Variants in RBM44 observed in about 807,000 individuals in gnomAD.
The protein encoded by RBM44 is RNA binding motif protein 44.
RBM44 carries 66 observed loss-of-function variants against 105.1 expected under a neutral mutation model. That is an observed-to-expected ratio of 0.63 (90% CI 0.52 to 0.77). The LOEUF (loss-of-function observed/expected upper bound fraction) is 0.77, where lower values mean the gene tolerates loss of function less well. RBM44 is among the 30% of genes least tolerant of loss of function. The probability of loss-of-function intolerance (pLI) is 0.00; values close to 1 mark genes in which losing one functional copy is unlikely to be tolerated. For synonymous variants in RBM44, 365 were observed against 417.6 expected (o/e 0.87, Z 1.54); for missense variants, 1,122 against 1,207.8 (o/e 0.93, Z 1.05).
chr2:237,821,610 G>T, intron 7 of RBM44, 133 bp from the exon 8 acceptor site: 1 of 727,366 alleles, frequency 1.4e-6, no homozygotes. Flanking sequence ...TTGTGTATTT[G>T]TCATTTCTAT....
At chr2:237,829,165 A>T in intron 12 of RBM44, 52 bp from the exon 13 acceptor site, 1 of 1,389,790 alleles carries the variant, frequency 7.2e-7, no homozygotes, top group Non-Finnish European at 9.8e-7. Context: ...ATTAAGTTTG[A>T]TGTAATTTGA....
At chr2:237,835,068 T>C (rs1057009520) in intron 15 of RBM44, among the ~76,000 whole-genome samples, 2 of 152,224 alleles carry the variant, frequency 1.3e-5, no homozygotes, top group African/African-American at 4.8e-5. Flanking sequence ...TGGTAATTCA[T>C]ACAACATTTC....
chr2:237,799,522 G>A (rs1051772659), intron 1 of RBM44: 2 of 152,136 alleles, frequency 1.3e-5, no homozygotes, highest in African/African-American at 2.4e-5. Context: ...TCTCGATCTC[G>A]GTCTCTATCT....
At chr2:237,835,112 A>T (rs1576518144) in intron 15 of RBM44, among the ~76,000 whole-genome samples, 1 of 152,254 alleles carries the variant, frequency 6.6e-6, no homozygotes, top group Middle Eastern at 3.4e-3. Context: ...GGTGATTGTG[A>T]TCAGTGATCT....
chr2:237,809,908 G>T (rs1002289735), intron 1 of RBM44, among the ~76,000 whole-genome samples: 3 of 152,020 alleles, frequency 2.0e-5, no homozygotes, highest in Non-Finnish European at 4.4e-5. Flanking sequence ...CTCCAGCCTG[G>T]GTAGAAGAGC....
rs895353323 is a variant in RBM44 at position 237,817,179 on chromosome 2, C to T, written c.260C>T (p.Thr87Ile). The change falls in exon 3 of 16, where the codon ACT (threonine) becomes ATT (isoleucine). Residue 87 changes from threonine to isoleucine, a missense_variant. Coordinates refer to ENST00000316997, the MANE Select transcript of RBM44 (RefSeq NM_001080504.3). ...LEPFFSVSQD[T>I]NTESTQFQSS... ...CCATTTTTTTCAGTGAGTCAAGATACTAACACAGAGAGTACTCAGTTTCAG... is the reference window on the plus strand; with the variant it reads ...CCATTTTTTTCAGTGAGTCAAGATATTAACACAGAGAGTACTCAGTTTCAG... 24 of 1,604,118 alleles carry T rather than the reference C, an allele frequency of 1.5e-5. No homozygotes were observed. Among genetic ancestry groups the T allele is most frequent in the Non-Finnish European group, 2.0e-5 (24 of 1,175,930 alleles).
At chr2:237,822,344 A>G (rs1335407312) in intron 8 of RBM44, among the ~76,000 whole-genome samples, 1 of 152,056 alleles carries the variant, frequency 6.6e-6, no homozygotes, top group Non-Finnish European at 1.5e-5. Flanking sequence ...TGTTTGTCAG[A>G]TGACAACCAA....
At chr2:237,827,095 A>G (rs529743661) in intron 10 of RBM44, among the ~76,000 whole-genome samples, 155 bp from the exon 11 acceptor site, 6 of 152,306 alleles carry the variant, frequency 3.9e-5, no homozygotes, top group Admixed American at 3.3e-4. Flanking sequence ...GCAGGCTCTT[A>G]GTCCTCAGTC....
rs549320092 is a variant in RBM44, at chr2:237,817,383, T to G, written c.464T>G (p.Val155Gly). Residue 155 changes from valine (V) to glycine (G), a missense_variant, in exon 3 of 16, where the codon GTT (valine) becomes GGT (glycine). Around this residue, in one of 3 missense-constraint regions of RBM44, gnomAD observed 918 missense variants for 955.3 expected, o/e 0.96. Coordinates refer to ENST00000316997, the MANE Select transcript of RBM44 (RefSeq NM_001080504.3). ...ATTTTGGAACATCAAGATAAGACTG[T>G]TGGCTTGGAAAGAATCTACAATATT... ...FNILEHQDKT[V>G]GLERIYNISD... is the part of the protein sequence containing the mutation. 1 of 1,604,030 alleles carries G rather than the reference T, an allele frequency of 6.2e-7. No individual in the cohort carries two copies. Among genetic ancestry groups the G allele is most frequent in the South Asian group, 1.1e-5 (1 of 89,672 alleles).
intron 1 of RBM44, among the ~76,000 whole-genome samples, chr2:237,802,561 C>G (rs797007073): frequency 1.3e-5 from 2 of 152,248 alleles, no homozygotes; most frequent in African/African-American, 4.8e-5. Context: ...GCTGTTGAAT[C>G]TATATTTTTA....
At chr2:237,837,704 C>A (rs568218619) in intron 15 of RBM44, among the ~76,000 whole-genome samples, 1 of 151,634 alleles carries the variant, frequency 6.6e-6, no homozygotes, top group Non-Finnish European at 1.5e-5. Context: ...GAGATGGGAT[C>A]TTGTTATTTT....
At chr2:237,823,667 G>A (rs1340521948) in intron 9 of RBM44, 113 bp downstream of exon 9, 7 of 576,642 alleles carry the variant, frequency 1.2e-5, no homozygotes, top group African/African-American at 1.9e-5. Flanking sequence ...TGATGGAAAG[G>A]CATCATTCTG....
Position 237,823,415 on chromosome 2 carries a change from TTGTTTTTATTATCTTAATCCTCAGA to T in RBM44, c.2206-21_2209del, listed in dbSNP as rs2061814793. On this transcript the variant is annotated splice_acceptor_variant and splice_polypyrimidine_tract_variant and coding_sequence_variant and intron_variant, in exon 9 of 16. Transcript: ENST00000316997. LOFTEE classifies it high-confidence loss of function. ...CATAATAATTATTTGCCCTTATTTA[TTGTTTTTATTATCTTAATCCTCAGA>T]TGTCTTTATCATCTGACAATAGTCA... 3 of 1,048,046 alleles carry T rather than the reference TTGTTTTTATTATCTTAATCCTCAGA, an allele frequency of 2.9e-6. No individual in the cohort carries two copies. In the Admixed American group the frequency reaches 6.7e-5, roughly 23 times the overall value. 64.9% of individuals were successfully genotyped at this position (1,048,046 alleles called of 1,614,324 possible). A position where few individuals can be genotyped will look rare whatever the true frequency, so the allele number is the denominator to read the frequency against.
In RBM44 at chr2:237,807,861, A is replaced by G. The variant is rs116974961; in HGVS notation, c.-18-5731A>G. 4.6e-5 allele frequency among the ~76,000 whole-genome samples: 7 copies of G among 152,358 alleles called. No homozygotes were observed. The East Asian group carries it at 7.7e-4, about 17-fold the overall frequency. ...AGAGATTCCAGATTACTAATTCCCT[A>G]TGGCACCTAGAAGTAGCAAACAAGT... On this transcript the variant is annotated intron_variant, in intron 1 of 15. Transcript: ENST00000316997.
In RBM44 at chr2:237,821,123, C is replaced by T; in HGVS notation, c.1966C>T (p.Leu656Phe). 2 of 1,610,014 alleles carry T rather than the reference C, an allele frequency of 1.2e-6. No homozygotes were observed. The highest frequency in any genetic ancestry group is 1.7e-6 in the Non-Finnish European group (2 of 1,178,646). The change falls in exon 6 of 16, where the codon CTT (leucine) becomes TTT (phenylalanine). Residue 656 changes from leucine to phenylalanine, a missense_variant. Physicochemically the swap from Leu to Phe is conservative, Grantham distance 22 (BLOSUM62 0). Coordinates refer to ENST00000316997, the MANE Select transcript of RBM44 (RefSeq NM_001080504.3). ...GGAATTGGGATCAGCACTACTGTCT[C>T]TTTTGGGGGACTTAAAAGTTAGATA... ...KKELGSALLS[L>F]LGDLKVRYVT...
intron 1 of RBM44, among the ~76,000 whole-genome samples, chr2:237,811,450 G>A (rs2061656929): frequency 6.6e-6 from 1 of 151,842 alleles, no homozygotes; most frequent in African/African-American, 2.4e-5. Context: ...TTAATTTTTT[G>A]TGGAGTCGGG....
At chr2:237,835,839 A>G (rs1001357251) in intron 15 of RBM44, among the ~76,000 whole-genome samples, 1 of 151,682 alleles carries the variant, frequency 6.6e-6, no homozygotes, top group Non-Finnish European at 1.5e-5. Context: ...TACCCAACAT[A>G]TAGTCTTCTA....
At chr2:237,840,687 T>C (rs901377474) in intron 15 of RBM44, among the ~76,000 whole-genome samples, 2 of 151,862 alleles carry the variant, frequency 1.3e-5, no homozygotes, top group Non-Finnish European at 2.9e-5. Flanking sequence ...CTGACAAAGG[T>C]CTAATATGCA....
At chr2:237,824,057 A>T (rs2061821918) in intron 9 of RBM44, among the ~76,000 whole-genome samples, 1 of 152,190 alleles carries the variant, frequency 6.6e-6, no homozygotes, top group Non-Finnish European at 1.5e-5. Flanking sequence ...ATTAAAGGAA[A>T]ACTAAGAAAC....
Sources: gnomAD v4.1 joint callset for allele counts (sites outside exome capture counted in the v4.1 genomes callset) on GRCh38, gnomAD v4.1.1 for gene constraint, gnomAD v4.1.1 regional missense constraint, MANE v1.5 for transcripts, NCBI Gene and HGNC (gene_info 2026-07-23, HGNC 2026-07-21) for gene names.